Variants in SPINK14 observed in about 807,000 individuals in gnomAD.
The protein encoded by SPINK14 is serine protease inhibitor Kazal-type 14.
In SPINK14, 6 loss-of-function variants were observed where a neutral mutation model predicts 14.2. The observed-to-expected ratio is 0.42, with a 90% CI of 0.23 to 0.83. The LOEUF is 0.83. Ranked by LOEUF, SPINK14 falls within the 40% of genes least tolerant of loss-of-function variation. The pLI is 0.28. For synonymous variants in SPINK14, 34 were observed against 36.8 expected (o/e 0.92, Z 0.27); for missense variants, 86 against 108.3 (o/e 0.79, Z 0.91).
intron 3 of SPINK14, among the ~76,000 whole-genome samples, chr5:148,172,418 T>C (rs1755117598): frequency 6.6e-6 from 1 of 152,170 alleles, no homozygotes. Flanking sequence ...GCTATATTTA[T>C]AGACAACAAT....
Position 148,175,374 on chromosome 5 carries a change from GT to G in SPINK14, c.274del (p.Tyr92ThrfsTer8). 6.2e-7 allele frequency: 1 copy of G among 1,604,980 alleles called. No individual in the cohort carries two copies. The highest frequency in any genetic ancestry group is 8.5e-7 in the Non-Finnish European group (1 of 1,174,098). On this transcript the variant is annotated frameshift_variant, in exon 5 of 5. Transcript: ENST00000356972. LOFTEE classifies it high-confidence loss of function. The part of the protein sequence containing the change: ...ESLKSHGRIR[F>X]YHDGKC ...TTAGGAAATCTCATGGAAGAATCAG[GT>G]TTTACCATGATGGAAAATGTTAGCT...
intron 4 of SPINK14, 106 bp downstream of exon 4, chr5:148,174,476 C>A: frequency 1.5e-6 from 1 of 660,964 alleles, no homozygotes; most frequent in Non-Finnish European, 2.3e-6. Flanking sequence ...CAGGAATTTG[C>A]TCCAGTTCAC....
At chr5:148,172,697 C>T (rs1755123392) in intron 3 of SPINK14, among the ~76,000 whole-genome samples, 2 of 151,992 alleles carry the variant, frequency 1.3e-5, no homozygotes, top group African/African-American at 4.8e-5. Context: ...AGAGTTGTGA[C>T]CGTATTTTAA....
Position 148,173,579 on chromosome 5 carries a change from A to G in SPINK14, c.112-655A>G, listed in dbSNP as rs1755134307. Reference sequence around the variant, plus strand: ...CTTCAGTTTTCTTTGCTGAGCTGTCATAGAAAGTCTCTAAGAATCTTTCCA... The same window carrying G: ...CTTCAGTTTTCTTTGCTGAGCTGTCGTAGAAAGTCTCTAAGAATCTTTCCA... On this transcript the variant is annotated intron_variant, in intron 3 of 4. Transcript: ENST00000356972. Among the ~76,000 whole-genome samples, 2 of 68,022 alleles carry G rather than the reference A, an allele frequency of 2.9e-5. 1 individual carries two copies. The highest frequency in any genetic ancestry group is 6.3e-5 in the Non-Finnish European group (2 of 31,556). 44.6% of individuals were successfully genotyped at this position (68,022 alleles called of 152,430 possible).
At chr5:148,174,085 C>T in intron 3 of SPINK14, 149 bp from the exon 4 acceptor site, 1 of 420,588 alleles carries the variant, frequency 2.4e-6, no homozygotes, top group Non-Finnish European at 4.2e-6. Flanking sequence ...CTCAAGCAAT[C>T]CTCCCACCTC....
At chr5:148,172,480 A>G (rs1755118481) in intron 3 of SPINK14, among the ~76,000 whole-genome samples, 3 of 152,154 alleles carry the variant, frequency 2.0e-5, no homozygotes. Context: ...TTCAGATTCA[A>G]CTATTTTATA....
intron 3 of SPINK14, 141 bp downstream of exon 3, chr5:148,171,114 C>A: frequency 1.3e-6 from 1 of 755,604 alleles, no homozygotes; most frequent in Non-Finnish European, 2.2e-6. Flanking sequence ...GTGGTGGATA[C>A]ACTGCTGAAA....
intron 3 of SPINK14, 38 bp downstream of exon 3, chr5:148,171,011 A>G (rs1425900310): frequency 6.3e-7 from 1 of 1,582,902 alleles, no homozygotes; most frequent in East Asian, 2.2e-5. Flanking sequence ...GACTTACATT[A>G]TAATATGAGT....
Position 148,170,601 on chromosome 5 carries a change from AG to A in SPINK14, c.68-328del, listed in dbSNP as rs889328183. Among the ~76,000 whole-genome samples the A allele has an allele frequency of 1.1e-4, 17 of 152,230 alleles. No homozygotes were observed. In the South Asian group the frequency reaches 1.2e-3, roughly 11 times the overall value. On this transcript the variant is annotated intron_variant, in intron 2 of 4. Transcript: ENST00000356972. ...TGATTGGGCCAAAAGATCACTTTAAAGTTACAGCATTGCTTATTTCTTTCAT... is the reference window on the plus strand; with the variant it reads ...TGATTGGGCCAAAAGATCACTTTAAATTACAGCATTGCTTATTTCTTTCAT...
At chr5:148,175,310 A>T (rs772673693) in intron 4 of SPINK14, 43 bp from the exon 5 acceptor site, 37 of 1,251,066 alleles carry the variant, frequency 3.0e-5, no homozygotes, top group Non-Finnish European at 4.2e-5. Context: ...TAGTTCTGAC[A>T]TTGTATTACT....
At chr5:148,172,525 A>G (rs1354508912) in intron 3 of SPINK14, among the ~76,000 whole-genome samples, 1 of 152,194 alleles carries the variant, frequency 6.6e-6, no homozygotes, top group Non-Finnish European at 1.5e-5. Context: ...TTTATATAGC[A>G]ATGACTAATG....
At chr5:148,169,112 G>C (rs1755067668) in intron 1 of SPINK14, among the ~76,000 whole-genome samples, 1 of 152,058 alleles carries the variant, frequency 6.6e-6, no homozygotes, top group South Asian at 2.1e-4. Context: ...AATAGCTGTG[G>C]GACCCCAGTG....
At position 148,169,728 on chromosome 5, in the gene SPINK14, GA is replaced by G; in HGVS notation, c.1del. On this transcript the variant is annotated 5_prime_UTR_variant, in exon 2 of 5. Transcript: ENST00000356972. ...CATCATTCCAAGGACACACCAGGAG[GA>G]AAAATGGCCAAATCTTTCCCAGTAT... 6.2e-7 allele frequency: 1 copy of G among 1,606,746 alleles called. No individual in the cohort carries two copies. Among genetic ancestry groups the G allele is most frequent in the Non-Finnish European group, 8.5e-7 (1 of 1,176,106 alleles).
intron 3 of SPINK14, among the ~76,000 whole-genome samples, chr5:148,171,763 C>T (rs1219217423): frequency 2.6e-5 from 4 of 152,000 alleles, no homozygotes; most frequent in African/African-American, 4.8e-5. Context: ...CTTCAAGAGA[C>T]CCGGGGACCA....
At position 148,170,961 on chromosome 5, in the gene SPINK14, T is replaced by C. The variant is rs187681871; in HGVS notation, c.99T>C (p.Arg33=). 2.1e-4 allele frequency: 342 copies of C among 1,612,592 alleles called. 6 individuals carry two copies. In the East Asian group the frequency reaches 7.4e-3, roughly 35 times the overall value. ...GCCCTAGACACTGGTGGCCACCACGTGGAATTATTAAGGTAATGTTCCATT... is the reference window on the plus strand; with the variant it reads ...GCCCTAGACACTGGTGGCCACCACGCGGAATTATTAAGGTAATGTTCCATT... The part of the protein sequence containing the change: ...VSGPRHWWPP[R]GIIKVKCPYE... Residue 33 remains arginine (R), a synonymous_variant, in exon 3 of 5, where the codon CGT becomes CGC. Transcript: ENST00000356972.
intron 1 of SPINK14, among the ~76,000 whole-genome samples, 87 bp downstream of exon 1, chr5:148,168,654 C>G (rs1028581008): frequency 6.4e-5 from 8 of 124,132 alleles, no homozygotes; most frequent in Non-Finnish European, 1.6e-4. Context: ...TTGTACTGTT[C>G]CTGTTCCATT....
chr5:148,172,990 C>T (rs761114355), intron 3 of SPINK14, among the ~76,000 whole-genome samples: 10 of 151,496 alleles, frequency 6.6e-5, no homozygotes, highest in Non-Finnish European at 1.2e-4. Flanking sequence ...CAATGAGGTT[C>T]GACGAAAGGA....
Position 148,172,139 on chromosome 5 carries a change from G to A in SPINK14, c.111+1166G>A, listed in dbSNP as rs551574181. On this transcript the variant is annotated intron_variant, in intron 3 of 4. Coordinates refer to ENST00000356972, the MANE Select transcript of SPINK14 (RefSeq NM_001001325.2). ...AATGGTATGATAGAGAATATCTGTTGAGTGTAGAGATAACTACTATAAACA... is the reference window on the plus strand; with the variant it reads ...AATGGTATGATAGAGAATATCTGTTAAGTGTAGAGATAACTACTATAAACA... 5.9e-5 allele frequency among the ~76,000 whole-genome samples: 9 copies of A among 152,224 alleles called. No individual in the cohort carries two copies. The South Asian group carries it at 1.0e-3, about 18-fold the overall frequency.
intron 1 of SPINK14, among the ~76,000 whole-genome samples, chr5:148,168,824 A>C (rs1755064141): frequency 6.6e-6 from 1 of 152,122 alleles, no homozygotes; most frequent in African/African-American, 2.4e-5. Context: ...CTACATTTTA[A>C]TGTCTTAAGT....
Sources: gnomAD v4.1 joint callset for allele counts (sites outside exome capture counted in the v4.1 genomes callset) on GRCh38, gnomAD v4.1.1 for gene constraint, MANE v1.5 for transcripts, NCBI Gene and HGNC (gene_info 2026-07-23, HGNC 2026-07-21) for gene names.